Variants in MAGI2 observed in about 807,000 individuals in gnomAD.
MAGI2 encodes membrane-associated guanylate kinase, WW and PDZ domain-containing protein 2.
In MAGI2, 35 loss-of-function variants were observed where a neutral mutation model predicts 133.3. That is an observed-to-expected ratio of 0.26 (90% confidence interval 0.20 to 0.35). The LOEUF (loss-of-function observed/expected upper bound fraction) is 0.35. Ranked by LOEUF, MAGI2 falls within the 10% of genes least tolerant of loss-of-function variation. The pLI is 1.00. For missense variants in MAGI2, 1,636 were observed against 1,863.4 expected, an observed-to-expected ratio of 0.88 and a Z score of 2.25; for synonymous variants, 729 against 710.6, an observed-to-expected ratio of 1.03 and a Z score of -0.41.
intron 6 of MAGI2, among the ~76,000 whole-genome samples, chr7:78,410,542 G>A (rs928075772): frequency 1.3e-5 from 2 of 151,956 alleles, no homozygotes; most frequent in Non-Finnish European, 2.9e-5. Context: ...ATTAGTCTCA[G>A]TAACTATGGA....
intron 9 of MAGI2, among the ~76,000 whole-genome samples, chr7:78,331,720 G>A (rs1245261053): frequency 6.6e-6 from 1 of 152,002 alleles, no homozygotes; most frequent in Non-Finnish European, 1.5e-5. Flanking sequence ...TTTATACCCA[G>A]TAGCATACTC....
intron 1 of MAGI2, among the ~76,000 whole-genome samples, chr7:79,249,889 A>G (rs1167110615): frequency 1.3e-5 from 2 of 152,162 alleles, no homozygotes; most frequent in Admixed American, 6.5e-5. Context: ...TATTGATACA[A>G]AAATCCTCAA....
intron 2 of MAGI2, among the ~76,000 whole-genome samples, chr7:78,764,730 T>A (rs1050359118): frequency 8.5e-5 from 13 of 152,350 alleles, no homozygotes; most frequent in African/African-American, 2.9e-4. Flanking sequence ...TAGTTGCCAA[T>A]TGTTTTTTAT....
intron 1 of MAGI2, among the ~76,000 whole-genome samples, chr7:79,263,233 C>T (rs774044454): frequency 8.5e-5 from 13 of 152,144 alleles, no homozygotes; most frequent in Admixed American, 2.6e-4. Context: ...GGACCTTCTA[C>T]GGTAAGGCAC....
At chr7:78,855,793 T>C (rs571600710) in intron 2 of MAGI2, among the ~76,000 whole-genome samples, 1 of 152,174 alleles carries the variant, frequency 6.6e-6, no homozygotes, top group Non-Finnish European at 1.5e-5. Context: ...CTGGGTCAAA[T>C]GGTATTTCTA....
At chr7:79,122,710 T>C (rs1007812743) in intron 1 of MAGI2, among the ~76,000 whole-genome samples, 1 of 151,750 alleles carries the variant, frequency 6.6e-6, no homozygotes, top group Admixed American at 6.6e-5. Context: ...AATGGTGTGA[T>C]CTTGACTCAC....
At chr7:79,097,670 C>T (rs1347589904) in intron 1 of MAGI2, among the ~76,000 whole-genome samples, 2 of 152,170 alleles carry the variant, frequency 1.3e-5, no homozygotes, top group African/African-American at 4.8e-5. Flanking sequence ...ATAGGAAAAA[C>T]CTGCACCAGT....
intron 1 of MAGI2, 117 bp downstream of exon 1, chr7:79,452,903 C>G: frequency 1.0e-5 from 12 of 1,162,628 alleles, no homozygotes; most frequent in South Asian, 1.5e-5. Context: ...GCTCTCTGGC[C>G]CCCACCCCAT....
At chr7:78,362,347 C>T (rs1027819379) in intron 7 of MAGI2, among the ~76,000 whole-genome samples, 1 of 151,936 alleles carries the variant, frequency 6.6e-6, no homozygotes, top group African/African-American at 2.4e-5. Context: ...CTCTGTCATG[C>T]AAAGTAAAAT....
At chr7:78,717,419 A>C (rs972819184) in intron 2 of MAGI2, among the ~76,000 whole-genome samples, 1 of 152,178 alleles carries the variant, frequency 6.6e-6, no homozygotes, top group Non-Finnish European at 1.5e-5. Context: ...TGGGCAATGT[A>C]ACATTAGTGG....
chr7:79,204,494 A>G (rs1480396815), intron 1 of MAGI2, among the ~76,000 whole-genome samples: 1 of 152,088 alleles, frequency 6.6e-6, no homozygotes, highest in African/African-American at 2.4e-5. Flanking sequence ...GCTTTCCCAG[A>G]CATAGTTGCT....
chr7:78,655,630 G>C (rs150169919), intron 2 of MAGI2, among the ~76,000 whole-genome samples: 1 of 151,994 alleles, frequency 6.6e-6, no homozygotes, highest in African/African-American at 2.4e-5. Flanking sequence ...AATATGTATA[G>C]CAATTTAAAC....
At chr7:79,133,511 T>C (rs533679537) in intron 1 of MAGI2, among the ~76,000 whole-genome samples, 5 of 152,324 alleles carry the variant, frequency 3.3e-5, no homozygotes, top group African/African-American at 1.2e-4. Flanking sequence ...TTGTCCCATA[T>C]CCTTATTTTT....
intron 2 of MAGI2, among the ~76,000 whole-genome samples, chr7:78,955,354 C>A (rs1802211031): frequency 6.6e-6 from 1 of 151,806 alleles, no homozygotes; most frequent in Non-Finnish European, 1.5e-5. Context: ...AAGTACATTG[C>A]ATACATGCAT....
chr7:79,300,746 A>T (rs1405265228), intron 1 of MAGI2, among the ~76,000 whole-genome samples: 6 of 152,210 alleles, frequency 3.9e-5, no homozygotes, highest in Admixed American at 1.3e-4. Context: ...GGCAATGGGA[A>T]AAAGGCCCTG....
At chr7:78,605,562 C>A (rs1805716189) in intron 3 of MAGI2, among the ~76,000 whole-genome samples, 1 of 151,876 alleles carries the variant, frequency 6.6e-6, no homozygotes, top group Admixed American at 6.6e-5. Flanking sequence ...AGTAGAGTGA[C>A]AAAAAAACTG....
intron 1 of MAGI2, among the ~76,000 whole-genome samples, chr7:79,354,848 C>A (rs528159796): frequency 6.6e-6 from 1 of 152,152 alleles, no homozygotes; most frequent in Non-Finnish European, 1.5e-5. Flanking sequence ...CACAGAGGAG[C>A]TCCAGGATAC....
intron 2 of MAGI2, among the ~76,000 whole-genome samples, chr7:78,878,275 T>C (rs1795580927): frequency 6.6e-6 from 1 of 152,344 alleles, no homozygotes; most frequent in Admixed American, 6.5e-5. Flanking sequence ...GGTTTCATAC[T>C]CTTCTATTGC....
At chr7:78,596,992 G>A (rs1207202896) in intron 3 of MAGI2, among the ~76,000 whole-genome samples, 2 of 152,160 alleles carry the variant, frequency 1.3e-5, no homozygotes, top group East Asian at 1.9e-4. Context: ...TGTTGCACAT[G>A]TGCACATACC....
Sources: allele counts gnomAD v4.1 joint callset (sites outside exome capture counted in the v4.1 genomes callset), GRCh38; gene constraint gnomAD v4.1.1; transcripts MANE v1.5; gene names NCBI Gene and HGNC (gene_info 2026-07-23, HGNC 2026-07-21).